Variants in PLPPR1 observed in about 807,000 individuals in gnomAD.
PLPPR1 encodes the protein phospholipid phosphatase related 1.
A neutral mutation model predicts 33.1 loss-of-function variants in PLPPR1; 10 were observed. That is an observed-to-expected ratio of 0.30 (90% CI 0.19 to 0.51). PLPPR1 has a LOEUF of 0.51. PLPPR1 is among the 20% of genes least tolerant of loss of function. The pLI, the probability that PLPPR1 is intolerant of heterozygous loss-of-function variation, is 0.97. For synonymous variants in PLPPR1, 151 were observed against 151.0 expected (o/e 1.00, Z 0.00); for missense variants, 304 against 408.1 (o/e 0.74, Z 2.20).
At chr9:101,054,425 C>A (rs1158927251) in intron 1 of PLPPR1, among the ~76,000 whole-genome samples, 1 of 152,070 alleles carries the variant, frequency 6.6e-6, no homozygotes, top group Non-Finnish European at 1.5e-5. Context: ...TGACCTGAAT[C>A]AAAAAATGAT....
intron 2 of PLPPR1, among the ~76,000 whole-genome samples, chr9:101,219,443 C>G (rs887944643): frequency 6.6e-6 from 1 of 152,210 alleles, no homozygotes; most frequent in South Asian, 2.1e-4. Flanking sequence ...CCTTGTTGCT[C>G]TCTATCTAGG....
chr9:101,266,412 G>GAA (rs56136707), intron 2 of PLPPR1, among the ~76,000 whole-genome samples: 5 of 133,710 alleles, frequency 3.7e-5, no homozygotes, highest in African/African-American at 6.0e-5. Context: ...AAAAAAGAAA[G>GAA]AAAGAAAGAA....
At chr9:101,146,450 A>G (rs1037096920) in intron 1 of PLPPR1, among the ~76,000 whole-genome samples, 2 of 152,210 alleles carry the variant, frequency 1.3e-5, no homozygotes, top group Non-Finnish European at 2.9e-5. Context: ...ACTACCAGCC[A>G]GTCTAATTTA....
chr9:101,157,838 T>TA (rs1319032520), intron 1 of PLPPR1, among the ~76,000 whole-genome samples: 40 of 151,098 alleles, frequency 2.6e-4, no homozygotes, highest in African/African-American at 8.0e-4. Context: ...CCATCTCTAT[T>TA]AAAAAAAAAT....
intron 2 of PLPPR1, among the ~76,000 whole-genome samples, chr9:101,211,214 C>A (rs1016822418): frequency 6.6e-6 from 1 of 152,132 alleles, no homozygotes; most frequent in African/African-American, 2.4e-5. Context: ...AAAAAGGCAG[C>A]CCCTGCCACC....
chr9:101,050,195 A>G (rs927002370), intron 1 of PLPPR1, among the ~76,000 whole-genome samples: 1 of 151,632 alleles, frequency 6.6e-6, no homozygotes, highest in Non-Finnish European at 1.5e-5. Flanking sequence ...CCGGACAACT[A>G]TAACAGGAGC....
rs565691839 is a variant in PLPPR1 at position 101,217,288 on chromosome 9, A to C, written c.63+31731A>C. On this transcript the variant is annotated intron_variant, in intron 2 of 7. Transcript: ENST00000374874. ...TTTTGACATGAATGTCATAATTAAA[A>C]AGGGAAATCATAGAAAAAGAAGACA... 3.3e-5 allele frequency among the ~76,000 whole-genome samples: 5 copies of C among 152,322 alleles called. No homozygotes were observed. The South Asian group carries it at 1.0e-3, about 32-fold the overall frequency.
intron 4 of PLPPR1, among the ~76,000 whole-genome samples, chr9:101,298,526 C>T (rs376376509): frequency 5.3e-5 from 8 of 152,144 alleles, no homozygotes; most frequent in African/African-American, 1.9e-4. Flanking sequence ...AGAAAATCCT[C>T]GATTTTGAAA....
chr9:101,115,070 A>C (rs1001850186), intron 1 of PLPPR1, among the ~76,000 whole-genome samples: 1 of 152,164 alleles, frequency 6.6e-6, no homozygotes, highest in African/African-American at 2.4e-5. Context: ...CTCTGGGGCC[A>C]GACTGCATTT....
intron 1 of PLPPR1, among the ~76,000 whole-genome samples, chr9:101,163,453 C>T (rs1319743239): frequency 1.3e-5 from 2 of 152,170 alleles, no homozygotes. Context: ...CAGTTGTCAT[C>T]TGGCTTCAAA....
At chr9:101,274,155 G>T (rs1353100342) in intron 3 of PLPPR1, among the ~76,000 whole-genome samples, 1 of 152,128 alleles carries the variant, frequency 6.6e-6, no homozygotes, top group African/African-American at 2.4e-5. Context: ...ATGAAACCCC[G>T]ATTCAGCTTT....
intron 2 of PLPPR1, among the ~76,000 whole-genome samples, chr9:101,205,938 G>A (rs1170466763): frequency 6.6e-6 from 1 of 152,122 alleles, no homozygotes; most frequent in African/African-American, 2.4e-5. Context: ...TCCTATAACT[G>A]GGAAGAAGGA....
At chr9:101,086,769 C>T (rs10989393) in intron 1 of PLPPR1, among the ~76,000 whole-genome samples, 8,090 of 152,232 alleles carry the variant, frequency 0.053, 381 homozygotes, top group African/African-American at 0.12. Context: ...AGCAGGTTCC[C>T]ATACTCCTTC....
At chr9:101,188,272 C>T (rs898593749) in intron 2 of PLPPR1, among the ~76,000 whole-genome samples, 13 of 152,054 alleles carry the variant, frequency 8.5e-5, no homozygotes, top group African/African-American at 3.1e-4. Context: ...TGACACATAG[C>T]AGAATTGCTA....
chr9:101,304,381 A>ATGTT (rs1316466536), intron 4 of PLPPR1, among the ~76,000 whole-genome samples: 2 of 152,210 alleles, frequency 1.3e-5, no homozygotes, highest in African/African-American at 2.4e-5. Context: ...TATCTGTTAA[A>ATGTT]TGTTTACTAT....
At chr9:101,115,473 T>G (rs1402797594) in intron 1 of PLPPR1, among the ~76,000 whole-genome samples, 1 of 152,248 alleles carries the variant, frequency 6.6e-6, no homozygotes, top group African/African-American at 2.4e-5. Context: ...GGGATTTTAC[T>G]TTTAAAAGTA....
intron 4 of PLPPR1, among the ~76,000 whole-genome samples, chr9:101,306,694 G>C (rs554900779): frequency 2.9e-4 from 44 of 152,302 alleles, no homozygotes; most frequent in African/African-American, 9.1e-4. Flanking sequence ...ACCATCTGAG[G>C]GGTGTGGGGT....
intron 1 of PLPPR1, among the ~76,000 whole-genome samples, chr9:101,155,029 G>A (rs1247830718): frequency 1.3e-5 from 2 of 151,600 alleles, no homozygotes; most frequent in African/African-American, 4.8e-5. Context: ...GTTAATGGGT[G>A]TAGCACACCA....
intron 1 of PLPPR1, among the ~76,000 whole-genome samples, chr9:101,120,247 T>C (rs1283166226): frequency 1.3e-5 from 2 of 152,248 alleles, no homozygotes; most frequent in Non-Finnish European, 2.9e-5. Context: ...ACCTTCACTC[T>C]AGCCAATGGA....
Sources: allele counts gnomAD v4.1 joint callset (sites outside exome capture counted in the v4.1 genomes callset), GRCh38; gene constraint gnomAD v4.1.1; transcripts MANE v1.5; gene names NCBI Gene and HGNC (gene_info 2026-07-23, HGNC 2026-07-21).